RARB: variants seen among roughly 807,000 people sequenced by gnomAD.
The protein encoded by RARB is HBV-activated protein.
A neutral mutation model predicts 51.9 loss-of-function variants in RARB; 17 were observed. The ratio of observed to expected loss-of-function variants is 0.33; its 90% CI spans 0.22 to 0.49. The LOEUF is 0.49. RARB is among the 20% of genes least tolerant of loss of function. The pLI, the probability that RARB is intolerant of heterozygous loss-of-function variation, is 0.99. For synonymous variants in RARB, 215 were observed against 195.4 expected, an observed-to-expected ratio of 1.10 and a Z score of -0.84; for missense variants, 369 against 550.8, an observed-to-expected ratio of 0.67 and a Z score of 3.30.
chr3:25,370,377 T>C (rs184207247), intron 5 of RARB, among the ~76,000 whole-genome samples: 95 of 152,274 alleles, frequency 6.2e-4, no homozygotes, highest in African/African-American at 2.1e-3. Flanking sequence ...AAGTAACTGG[T>C]ACCATAAGGG....
chr3:24,904,303 T>A (rs532707356), intron 2 of RARB, among the ~76,000 whole-genome samples: 2 of 152,202 alleles, frequency 1.3e-5, no homozygotes, highest in African/African-American at 4.8e-5. Flanking sequence ...TGTGCAAGGA[T>A]ATTATTAGGA....
chr3:25,135,801 C>A (rs1700024116), intron 4 of RARB, among the ~76,000 whole-genome samples: 1 of 151,888 alleles, frequency 6.6e-6, no homozygotes, highest in African/African-American at 2.4e-5. Context: ...AAGGACATAT[C>A]AATCAGGCAC....
At chr3:25,303,824 T>C (rs373774147) in intron 5 of RARB, among the ~76,000 whole-genome samples, 6 of 152,184 alleles carry the variant, frequency 3.9e-5, no homozygotes, top group African/African-American at 1.4e-4. Flanking sequence ...TTTTGCTTGG[T>C]CTGGGTTTGT....
chr3:25,094,716 CAAAAA>C (rs57477720), intron 3 of RARB, among the ~76,000 whole-genome samples: 579 of 43,104 alleles, frequency 0.013, 5 homozygotes, highest in African/African-American at 0.022. Context: ...GACCCCATCT[CAAAAA>C]AAAAAAAAAA....
At chr3:25,392,294 T>C (rs1466847138) in intron 5 of RARB, among the ~76,000 whole-genome samples, 1 of 152,174 alleles carries the variant, frequency 6.6e-6, no homozygotes, top group African/African-American at 2.4e-5. Flanking sequence ...GACCATAGCC[T>C]TATAGTATTG....
intron 5 of RARB, among the ~76,000 whole-genome samples, chr3:25,374,794 A>G (rs1706407364): frequency 6.6e-6 from 1 of 152,170 alleles, no homozygotes; most frequent in African/African-American, 2.4e-5. Flanking sequence ...TTCAGAATGT[A>G]CAAGGTTTCT....
intron 3 of RARB, among the ~76,000 whole-genome samples, chr3:25,107,856 T>C (rs1347104017): frequency 1.3e-5 from 2 of 152,222 alleles, no homozygotes; most frequent in African/African-American, 2.4e-5. Flanking sequence ...CTGTAGATCT[T>C]AGCAACCTCA....
chr3:25,162,915 A>C (rs1305134641), intron 4 of RARB, among the ~76,000 whole-genome samples: 1 of 152,220 alleles, frequency 6.6e-6, no homozygotes, highest in Non-Finnish European at 1.5e-5. Context: ...ACATGTTTTC[A>C]ATTCCCTTGA....
At chr3:24,863,975 C>T (rs1343730531) in intron 2 of RARB, among the ~76,000 whole-genome samples, 1 of 152,118 alleles carries the variant, frequency 6.6e-6, no homozygotes, top group Non-Finnish European at 1.5e-5. Flanking sequence ...AATGTCCTGC[C>T]AATCCCAATT....
rs146645874 is a variant in RARB, at chr3:24,901,305, T to G, written c.-380+42553T>G. On this transcript the variant is annotated intron_variant, in intron 2 of 11. Transcript: ENST00000383772. ...GGGTGGACATAAAGCAATTAAGAAT[T>G]TCTTCAAAGAAAATAGAGGGAAAGA... Among the ~76,000 whole-genome samples the G allele has an allele frequency of 5.9e-3, 892 of 152,302 alleles. 7 individuals carry two copies. The highest frequency in any genetic ancestry group is 0.02 in the African/African-American group (839 of 41,552).
chr3:25,085,371 T>A (rs913375167), intron 3 of RARB, among the ~76,000 whole-genome samples: 3 of 152,168 alleles, frequency 2.0e-5, no homozygotes, highest in African/African-American at 7.2e-5. Flanking sequence ...TATTTGCCAT[T>A]TCATGGAATG....
intron 2 of RARB, among the ~76,000 whole-genome samples, chr3:25,036,941 G>A (rs749581424): frequency 1.4e-4 from 22 of 152,280 alleles, no homozygotes; most frequent in Non-Finnish European, 2.4e-4. Flanking sequence ...CATGAGAGGT[G>A]TCAGGTGTGC....
chr3:25,159,146 C>T (rs1700430231), intron 4 of RARB, among the ~76,000 whole-genome samples: 1 of 144,588 alleles, frequency 6.9e-6, no homozygotes, highest in Non-Finnish European at 1.5e-5. Flanking sequence ...AAAACTGTTC[C>T]AAATTGTCTT....
chr3:24,863,906 C>A (rs1386528868), intron 2 of RARB, among the ~76,000 whole-genome samples: 1 of 151,946 alleles, frequency 6.6e-6, no homozygotes. Flanking sequence ...AGGATGGAGG[C>A]ATACCTTCTC....
intron 5 of RARB, among the ~76,000 whole-genome samples, chr3:25,215,814 G>A (rs1701821677): frequency 6.6e-6 from 1 of 152,126 alleles, no homozygotes; most frequent in Non-Finnish European, 1.5e-5. Flanking sequence ...CTCTTCTCTG[G>A]AATGTTCTAC....
intron 3 of RARB, among the ~76,000 whole-genome samples, chr3:25,563,142 A>G (rs1025128346): frequency 3.3e-5 from 5 of 152,204 alleles, no homozygotes; most frequent in African/African-American, 4.8e-5. Flanking sequence ...ACACCAGGTC[A>G]TCTCTTAGAC....
chr3:25,063,708 CTTTT>C (rs749930990), intron 3 of RARB, among the ~76,000 whole-genome samples: 12 of 138,316 alleles, frequency 8.7e-5, no homozygotes, highest in African/African-American at 1.1e-4. Flanking sequence ...TAGTTTGAGA[CTTTT>C]TTTTTTTTTT....
rs1701824753 is a variant in RARB, at chr3:25,596,290, T to C, written c.1151-130T>C. 4.3e-6 allele frequency: 3 copies of C among 703,068 alleles called. No homozygotes were observed. The Admixed American group carries it at 8.5e-5, about 20-fold the overall frequency. 43.6% of individuals were successfully genotyped at this position (703,068 alleles called of 1,614,324 possible). ...TTTCAACAAAAAGCCACCTGATATC[T>C]ACATTTCATAATTCCTAAGCAAGAA... is the stretch of plus-strand genomic sequence containing the variant. On this transcript the variant is annotated intron_variant, in intron 7 of 7. Transcript: ENST00000330688.
At chr3:24,973,018 T>A (rs928900810) in intron 2 of RARB, among the ~76,000 whole-genome samples, 4 of 152,098 alleles carry the variant, frequency 2.6e-5, no homozygotes, top group Non-Finnish European at 2.9e-5. Flanking sequence ...TTGTTGCCTG[T>A]GCTTTTAAGG....
Sources: allele counts gnomAD v4.1 joint callset (sites outside exome capture counted in the v4.1 genomes callset), GRCh38; gene constraint gnomAD v4.1.1; transcripts MANE v1.5; gene names NCBI Gene and HGNC (gene_info 2026-07-23, HGNC 2026-07-21).